NRL: variants seen among roughly 807,000 people sequenced by gnomAD.
NRL encodes neural retina leucine zipper, also known as neural retina-specific leucine zipper protein.
NRL carries 16 observed loss-of-function variants against 12.5 expected under a neutral mutation model. The observed-to-expected ratio is 1.28, with a 90% CI of 0.87 to 1.95. The LOEUF is 1.95. Ranked by LOEUF, NRL falls within the 30% of genes most tolerant of loss-of-function variation. The pLI, the probability that NRL is intolerant of heterozygous loss-of-function variation, is 0.00. For synonymous variants in NRL, 142 were observed against 150.9 expected (o/e 0.94, Z 0.43); for missense variants, 314 against 325.8 (o/e 0.96, Z 0.28).
chr14:24,113,960 C>A (rs138662169), intron 1 of NRL, among the ~76,000 whole-genome samples: 39 of 152,358 alleles, frequency 2.6e-4, no homozygotes, highest in African/African-American at 9.1e-4. Context: ...CACACGTCCC[C>A]ACCCAGCCAG....
At chr14:24,114,374 T>G (rs2037486419) in intron 1 of NRL, 1 of 152,324 alleles carries the variant, frequency 6.6e-6, no homozygotes, top group South Asian at 2.1e-4. Context: ...GGGCACCCCT[T>G]AGGGCAGAAC....
At chr14:24,099,388 T>C (rs2037057337) in intron 1 of NRL, 12 of 1,005,718 alleles carry the variant, frequency 1.2e-5, no homozygotes, top group Non-Finnish European at 1.1e-5. Flanking sequence ...CTCAGGCTGC[T>C]GAATGTTGAG....
rs778667330 is a variant in NRL at position 24,094,370 on chromosome 14, G to C, written c.-27-11495C>G. 3 of 1,535,126 alleles carry C rather than the reference G, an allele frequency of 2.0e-6. No individual in the cohort carries two copies. Among genetic ancestry groups the C allele is most frequent in the Admixed American group, 1.9e-5 (1 of 51,548 alleles). ...CTTCCATACCTCCCCGGCTCCGCTCGGTTCCTGGCCACCCCGCAGCCCCTG... is the reference window on the plus strand; with the variant it reads ...CTTCCATACCTCCCCGGCTCCGCTCCGTTCCTGGCCACCCCGCAGCCCCTG... On this transcript the variant is annotated intron_variant, in intron 1 of 2. Coordinates refer to ENST00000561028, the MANE Select transcript of NRL (RefSeq NM_001354768.3). The surrounding 1 kb of genome is among the most constrained non-coding windows in gnomAD (Gnocchi z 4.1).
intron 1 of NRL, chr14:24,095,228 A>C (rs1566571833): frequency 4.4e-6 from 2 of 455,938 alleles, no homozygotes; most frequent in Admixed American, 4.7e-5. Context: ...TCTGAAGGAA[A>C]CGTCCCACTT....
chr14:24,094,318 GCTTCGCCGCGCTCCCTCCTTCCC>G lies in NRL; in HGVS notation c.-27-11466_-27-11444del. 2.2e-6 allele frequency: 3 copies of G among 1,339,404 alleles called. No individual in the cohort carries two copies. Among genetic ancestry groups the G allele is most frequent in the Non-Finnish European group, 3.1e-6 (3 of 974,682 alleles). 83.0% of individuals were successfully genotyped at this position (1,339,404 alleles called of 1,614,324 possible). ...CTCCCGCCAGCCTCTGCTGTGGCTC[GCTTCGCCGCGCTCCCTCCTTCCC>G]CGCCTTCCATACCTCCCCGGCTCCG... On this transcript the variant is annotated intron_variant, in intron 1 of 2. Transcript: ENST00000561028. This position sits in a 1 kb window ranked among gnomAD's most constrained non-coding sequence, Gnocchi z 4.1.
Position 24,081,756 on chromosome 14 carries a change from C to T in NRL, c.382-188G>A, listed in dbSNP as rs1423339510. ...CCCCAGGCCCCGACGCTCCCCGGGC[C>T]CCCCAGCTGACCGTTGCTCCAGTCA... On this transcript the variant is annotated intron_variant, in intron 2 of 2. Transcript: ENST00000561028. The surrounding 1 kb of genome is among the most constrained non-coding windows in gnomAD (Gnocchi z 4.4). 3 of 1,521,476 alleles carry T rather than the reference C, an allele frequency of 2.0e-6. No homozygotes were observed. Among genetic ancestry groups the T allele is most frequent in the Non-Finnish European group, 2.6e-6 (3 of 1,140,374 alleles). The allele number at this position is 1,521,476 out of a possible 1,614,324, so 94.2% of individuals were successfully genotyped here.
chr14:24,098,397 G>GCC, intron 1 of NRL: 1 of 1,611,088 alleles, frequency 6.2e-7, no homozygotes, highest in Non-Finnish European at 8.5e-7. Flanking sequence ...GGTAACCAGG[G>GCC]CAGGGGCACA....
At chr14:24,114,522 C>A (rs2037490593) in intron 1 of NRL, 200 bp downstream of exon 1, 1 of 245,944 alleles carries the variant, frequency 4.1e-6, no homozygotes, top group Non-Finnish European at 6.5e-6. Flanking sequence ...AATTATATCC[C>A]TTGCTAAAAT....
Position 24,081,924 on chromosome 14 carries a change from C to A in NRL, c.382-356G>T. ...GACCCGCACCCAGACAGCCCCCAAC[C>A]CTCCAACGCGCTGCGTTTCCCTGTC... On this transcript the variant is annotated intron_variant, in intron 2 of 2. Transcript: ENST00000561028. The surrounding 1 kb of genome is among the most constrained non-coding windows in gnomAD (Gnocchi z 4.4). The A allele has an allele frequency of 7.8e-7, 1 of 1,278,610 alleles. No individual in the cohort carries two copies. The highest frequency in any genetic ancestry group is 1.0e-6 in the Non-Finnish European group (1 of 1,002,624). The allele number at this position is 1,278,610 out of a possible 1,614,324, so 79.2% of individuals were successfully genotyped here.
intron 1 of NRL, chr14:24,099,246 T>C: frequency 6.3e-7 from 1 of 1,584,766 alleles, no homozygotes; most frequent in Non-Finnish European, 8.6e-7. Flanking sequence ...GGTGAGGGCC[T>C]GGTGAGAAGC....
Position 24,081,269 on chromosome 14 carries a change from G to C in NRL, c.681C>G (p.Pro227=). ...ARCDRLTSSG[P]GSGDPSHLFL ...AGAGGTGGGAGGGGTCCCCGGACCC[G>C]GGGCCGCTCGAGGTTAGCCGGTCAC... Residue 227 remains proline (P), a synonymous_variant, in exon 3 of 3, where the codon CCC becomes CCG. Coordinates refer to ENST00000561028, the MANE Select transcript of NRL (RefSeq NM_001354768.3). The surrounding 1 kb of genome is among the most constrained non-coding windows in gnomAD (Gnocchi z 4.4). 6.6e-7 allele frequency: 1 copy of C among 1,505,042 alleles called. No individual in the cohort carries two copies. Among genetic ancestry groups the C allele is most frequent in the South Asian group, 1.3e-5 (1 of 78,294 alleles). 93.2% of individuals were successfully genotyped at this position (1,505,042 alleles called of 1,614,324 possible). A position where few individuals can be genotyped will look rare whatever the true frequency, so the allele number is the denominator to read the frequency against.
intron 1 of NRL, among the ~76,000 whole-genome samples, chr14:24,092,482 T>A (rs1223929903): frequency 6.6e-6 from 1 of 152,198 alleles, no homozygotes; most frequent in African/African-American, 2.4e-5. Flanking sequence ...ATGGAGAAGA[T>A]GATGACCTTC....
At chr14:24,112,215 G>T (rs2037432059) in intron 1 of NRL, among the ~76,000 whole-genome samples, 1 of 126,406 alleles carries the variant, frequency 7.9e-6, no homozygotes. Context: ...TAAGCTTTTT[G>T]ATGTGCTGCT....
chr14:24,102,304 G>A (rs146666245), intron 1 of NRL, among the ~76,000 whole-genome samples: 3 of 152,268 alleles, frequency 2.0e-5, no homozygotes, highest in East Asian at 1.9e-4. Context: ...GTTTGCTGAC[G>A]GAAAGTCAAT....
rs776975645 is a variant in NRL, at chr14:24,100,195, G to GGC, written c.-28+14525_-28+14526dup. 2.5e-6 allele frequency: 4 copies of GGC among 1,614,154 alleles called. No homozygotes were observed. The Admixed American group carries it at 6.7e-5, about 27-fold the overall frequency. Reference sequence around the variant, plus strand: ...TGGTGTTACTGTGACCTCCTGGCTGGGCAAACCCTGGAAACCTGGTATGTG... The same window carrying GGC: ...TGGTGTTACTGTGACCTCCTGGCTGGGCGCAAACCCTGGAAACCTGGTATGTG... On this transcript the variant is annotated intron_variant, in intron 1 of 2. Coordinates refer to ENST00000561028, the MANE Select transcript of NRL (RefSeq NM_001354768.3).
chr14:24,082,723 T>G lies in NRL; in HGVS notation c.126A>C (p.Thr42=), dbSNP rs757551620. The change falls in exon 2 of 3, where the codon ACA becomes ACC. Residue 42 remains threonine, a synonymous_variant. Transcript: ENST00000561028. ...GTGAAGGAGGCACTGAGCTGTAAGG[T>G]GTGGAGCCCAGTGAGGCTGTAGGGG... ...PGPPTASLGS[T]PYSSVPPSPT... is the part of the protein sequence containing the mutation. The G allele has an allele frequency of 1.2e-5, 20 of 1,613,934 alleles. No individual in the cohort carries two copies. Among genetic ancestry groups the G allele is most frequent in the Non-Finnish European group, 2.5e-6 (3 of 1,180,010 alleles).
At chr14:24,100,237 G>T (rs779611247) in intron 1 of NRL, 3 of 1,613,304 alleles carry the variant, frequency 1.9e-6, no homozygotes. Flanking sequence ...GGAAGGTGTG[G>T]CACAGCCTCC....
chr14:24,098,964 C>A, intron 1 of NRL: 1 of 1,075,888 alleles, frequency 9.3e-7, no homozygotes, highest in Non-Finnish European at 1.4e-6. Flanking sequence ...CCAAGTGTCT[C>A]TCCTGCCAAT....
At chr14:24,098,161 AC>A in intron 1 of NRL, 1 of 1,546,724 alleles carries the variant, frequency 6.5e-7, no homozygotes, top group Non-Finnish European at 8.8e-7. Context: ...GACAAGGGAA[AC>A]CTGCTGGCCA....
Sources: allele counts gnomAD v4.1 joint callset (sites outside exome capture counted in the v4.1 genomes callset), GRCh38; gene constraint gnomAD v4.1.1; non-coding constraint Gnocchi (gnomAD v3.1); transcripts MANE v1.5; gene names NCBI Gene and HGNC (gene_info 2026-07-23, HGNC 2026-07-21).